The following PLXNB1 variants were observed in gnomAD, a reference collection of about 807,000 sequenced individuals.
The protein encoded by PLXNB1 is plexin-B1.
PLXNB1 carries 106 observed loss-of-function variants against 209.4 expected under a neutral mutation model. The ratio of observed to expected loss-of-function variants is 0.51; its 90% CI spans 0.43 to 0.59. The LOEUF (loss-of-function observed/expected upper bound fraction) is 0.59. PLXNB1 is among the 20% of genes least tolerant of loss of function. The pLI, the probability that PLXNB1 is intolerant of heterozygous loss-of-function variation, is 0.00. For missense variants in PLXNB1, 2,357 were observed against 2,853.2 expected (o/e 0.83, Z 3.96); for synonymous variants, 1,167 against 1,183.2 (o/e 0.99, Z 0.28).
intron 3 of PLXNB1, 48 bp downstream of exon 3, chr3:48,423,457 G>C: frequency 6.3e-7 from 1 of 1,581,468 alleles, no homozygotes; most frequent in Non-Finnish European, 8.6e-7. Flanking sequence ...CAAATGCTTG[G>C]CCAGTGGCCT....
rs2037352251 is a variant in PLXNB1, at chr3:48,406,974, C to CA, written c.6152+52dup. On this transcript the variant is annotated intron_variant, in intron 35 of 37. Coordinates refer to ENST00000296440, the MANE Select transcript of PLXNB1 (RefSeq NM_001130082.3). The surrounding 1 kb of genome is among the most constrained non-coding windows in gnomAD (Gnocchi z 4.4). ...CTGCTCCCAACCAGAGCCCACCCCC[C>CA]AAGCCTCAGCTGCACACGCCCTCCA... 6 of 1,609,284 alleles carry CA rather than the reference C, an allele frequency of 3.7e-6. No individual in the cohort carries two copies. In the Admixed American group the frequency reaches 8.3e-5, roughly 22 times the overall value.
chr3:48,419,115 C>A lies in PLXNB1; in HGVS notation c.2833-76G>T, dbSNP rs891493358. 1 of 1,586,062 alleles carries A rather than the reference C, an allele frequency of 6.3e-7. No individual in the cohort carries two copies. Among genetic ancestry groups the A allele is most frequent in the East Asian group, 2.3e-5 (1 of 44,430 alleles). On this transcript the variant is annotated intron_variant, in intron 12 of 37. Coordinates refer to ENST00000296440, the MANE Select transcript of PLXNB1 (RefSeq NM_001130082.3). This position sits in a 1 kb window ranked among gnomAD's most constrained non-coding sequence, Gnocchi z 5.7. ...GAGTCCTGCAGGTCACCCAACAGAT[C>A]CCCCAGCACAGCTTCTGGGTTGGAG...
In PLXNB1 at chr3:48,417,862, G is replaced by C; in HGVS notation, c.3374+49C>G. ...GAGGCCCCAAGCAGCAACGCCAACC[G>C]CGGAGGCCCCAGGCTGCGCCGTGCT... On this transcript the variant is annotated intron_variant, in intron 16 of 37. Transcript: ENST00000296440. The surrounding 1 kb of genome is among the most constrained non-coding windows in gnomAD (Gnocchi z 4.4). 1 of 1,562,940 alleles carries C rather than the reference G, an allele frequency of 6.4e-7. No homozygotes were observed. Among genetic ancestry groups the C allele is most frequent in the Non-Finnish European group, 8.7e-7 (1 of 1,149,162 alleles).
chr3:48,421,811 G>T lies in PLXNB1; in HGVS notation c.1521-5C>A. ...CACTCAGAACGGCGACTGCACCTGG[G>T]CGAGATGACCAGTGTCTATCTGTGA... On this transcript the variant is annotated splice_polypyrimidine_tract_variant and splice_region_variant and intron_variant, in intron 6 of 37. Coordinates refer to ENST00000296440, the MANE Select transcript of PLXNB1 (RefSeq NM_001130082.3). The T allele has an allele frequency of 6.3e-7, 1 of 1,595,092 alleles. No individual in the cohort carries two copies. The highest frequency in any genetic ancestry group is 8.6e-7 in the Non-Finnish European group (1 of 1,165,622).
rs771781739 is a variant in PLXNB1, at chr3:48,420,947, G to C, written c.1820C>G (p.Ser607Cys). The change falls in exon 9 of 38, where the codon TCC becomes TGC. Residue 607 changes from serine to cysteine, a missense_variant. Around this residue, in one of 7 missense-constraint regions of PLXNB1, gnomAD observed 214 missense variants for 297.1 expected, o/e 0.72. Transcript: ENST00000296440. ...GCCAAATCTGAGCTCCACGCTCACG[G>C]ATACGTAGTCTGCAGAGGGGGAGAG... ...PVLPRGADYV[S>C]VSVELRFGAV... 10 of 1,612,860 alleles carry C rather than the reference G, an allele frequency of 6.2e-6. No individual in the cohort carries two copies. Among genetic ancestry groups the C allele is most frequent in the Non-Finnish European group, 8.5e-6 (10 of 1,178,968 alleles).
Position 48,409,671 on chromosome 3 carries a change from C to A in PLXNB1, c.5839G>T (p.Val1947Leu). Residue 1947 changes from valine to leucine, a missense_variant, in exon 33 of 38, where the codon GTG becomes TTG. This residue lies in a region of PLXNB1 where 414 missense variants were observed against 520.5 expected (regional missense o/e 0.80). Coordinates refer to ENST00000296440, the MANE Select transcript of PLXNB1 (RefSeq NM_001130082.3). The surrounding 1 kb of genome is among the most constrained non-coding windows in gnomAD (Gnocchi z 5.8). The part of the protein sequence containing the change: ...FQVILSTSRP[V>L]PLAVKYFFDL... Reference sequence around the variant, plus strand: ...AAGAAGTACTTCACAGCGAGCGGCACGGGGCGGCTGGTGCTGAGAATCACC... The same window carrying A: ...AAGAAGTACTTCACAGCGAGCGGCAAGGGGCGGCTGGTGCTGAGAATCACC... 6.2e-7 allele frequency: 1 copy of A among 1,613,962 alleles called. No homozygotes were observed.
rs766827590 is a variant in PLXNB1 at position 48,420,647 on chromosome 3, GC to G, written c.2028+17del. Reference sequence around the variant, plus strand: ...CCCCCAACCCCCCCGGTATGGCCCAGCCCAAAGTCACACTCACCTGATGGCT... The same window carrying G: ...CCCCCAACCCCCCCGGTATGGCCCAGCCAAAGTCACACTCACCTGATGGCT... On this transcript the variant is annotated intron_variant, in intron 10 of 37. Transcript: ENST00000296440. 9 of 1,602,886 alleles carry G rather than the reference GC, an allele frequency of 5.6e-6. No individual in the cohort carries two copies. Among genetic ancestry groups the G allele is most frequent in the Non-Finnish European group, 7.7e-6 (9 of 1,170,528 alleles).
At position 48,405,166 on chromosome 3, in the gene PLXNB1, G is replaced by T. The variant is rs2037238092; in HGVS notation, c.6303+558C>A. On this transcript the variant is annotated intron_variant, in intron 37 of 37. Transcript: ENST00000296440. This position sits in a 1 kb window ranked among gnomAD's most constrained non-coding sequence, Gnocchi z 5.0. ...AGGAAGGCTGTGGGCCATGAGACAG[G>T]TTCCTCATCTCTGAGCAGCAATAGC... Among the ~76,000 whole-genome samples the T allele has an allele frequency of 1.3e-5, 2 of 152,214 alleles. No homozygotes were observed. The highest frequency in any genetic ancestry group is 1.5e-5 in the Non-Finnish European group (1 of 68,034).
At position 48,409,683 on chromosome 3, in the gene PLXNB1, T is replaced by C; in HGVS notation, c.5827A>G (p.Thr1943Ala). ...ACAGCGAGCGGCACGGGGCGGCTGGTGCTGAGAATCACCTGGAACAGGTCA... is the reference window on the plus strand; with the variant it reads ...ACAGCGAGCGGCACGGGGCGGCTGGCGCTGAGAATCACCTGGAACAGGTCA... ...VDDLFQVILS[T>A]SRPVPLAVKY... Residue 1943 changes from threonine to alanine, a missense_variant, in exon 33 of 38, where the codon ACC (threonine) becomes GCC (alanine). Transcript: ENST00000296440. This position sits in a 1 kb window ranked among gnomAD's most constrained non-coding sequence, Gnocchi z 5.8. 6.2e-7 allele frequency: 1 copy of C among 1,613,870 alleles called. No homozygotes were observed. Among genetic ancestry groups the C allele is most frequent in the East Asian group, 2.2e-5 (1 of 44,874 alleles).
At position 48,413,443 on chromosome 3, in the gene PLXNB1, T is replaced by C. The variant is rs975684455; in HGVS notation, c.4535+227A>G. The C allele has an allele frequency of 1.7e-6, 1 of 605,588 alleles. No individual in the cohort carries two copies. The highest frequency in any genetic ancestry group is 3.0e-5 in the Admixed American group (1 of 33,038). The allele number at this position is 605,588 out of a possible 1,614,324, so 37.5% of individuals were successfully genotyped here. ...CACAACCTATTTTTATAAAGATTTG[T>C]TAGAACACAGCCACTTTCATGTGTT... On this transcript the variant is annotated intron_variant, in intron 23 of 37. Transcript: ENST00000296440. This position sits in a 1 kb window ranked among gnomAD's most constrained non-coding sequence, Gnocchi z 5.4.
Position 48,413,961 on chromosome 3 carries a change from G to C in PLXNB1, c.4320C>G (p.Pro1440=), listed in dbSNP as rs374830271. ...GGTGCCGTGGCAGGGGCTGCTCCAC[G>C]GGGGGCTCGCAGTACAGGTGGTGCC... The part of the protein sequence containing the change: ...LTRHHLYCEP[P]VEQPLPRHHA... Residue 1440 remains proline, a synonymous_variant, in exon 22 of 38, where the codon CCC becomes CCG. Transcript: ENST00000296440. The surrounding 1 kb of genome is among the most constrained non-coding windows in gnomAD (Gnocchi z 5.4). 56 of 1,613,214 alleles carry C rather than the reference G, an allele frequency of 3.5e-5. No homozygotes were observed. Among genetic ancestry groups the C allele is most frequent in the Non-Finnish European group, 4.3e-5 (51 of 1,179,832 alleles).
At position 48,409,726 on chromosome 3, in the gene PLXNB1, G is replaced by A; in HGVS notation, c.5784C>T (p.Thr1928=). 2 of 1,613,288 alleles carry A rather than the reference G, an allele frequency of 1.2e-6. No homozygotes were observed. Among genetic ancestry groups the A allele is most frequent in the Non-Finnish European group, 1.7e-6 (2 of 1,179,812 alleles). ...ACAGGTCATCCACGAACTTCTGCAGGGTGCCCTGTGGGAAGGAAGAAGCAG... is the reference window on the plus strand; with the variant it reads ...ACAGGTCATCCACGAACTTCTGCAGAGTGCCCTGTGGGAAGGAAGAAGCAG... The part of the protein sequence containing the change: ...YLTRLLSMKG[T]LQKFVDDLFQ... Residue 1928 remains threonine, a synonymous_variant, in exon 33 of 38, where the codon ACC becomes ACT. Transcript: ENST00000296440. The surrounding 1 kb of genome is among the most constrained non-coding windows in gnomAD (Gnocchi z 5.8).
chr3:48,406,678 T>C lies in PLXNB1; in HGVS notation c.6228+145A>G. ...TGGTCTTTCAGTGGCAGTTGGAACA[T>C]TCTGCATTTATGTTTCCTGCCCCAA... On this transcript the variant is annotated intron_variant, in intron 36 of 37. Transcript: ENST00000296440. The surrounding 1 kb of genome is among the most constrained non-coding windows in gnomAD (Gnocchi z 4.4). 3 of 1,433,688 alleles carry C rather than the reference T, an allele frequency of 2.1e-6. No individual in the cohort carries two copies. The highest frequency in any genetic ancestry group is 1.8e-6 in the Non-Finnish European group (2 of 1,094,698). 88.8% of individuals were successfully genotyped at this position (1,433,688 alleles called of 1,614,324 possible).
In PLXNB1 at chr3:48,413,960, C is replaced by T. The variant is rs773519434; in HGVS notation, c.4321G>A (p.Val1441Met). ...TGGTGCCGTGGCAGGGGCTGCTCCA[C>T]GGGGGGCTCGCAGTACAGGTGGTGC... ...TRHHLYCEPPVEQPLPRHHAL... is the reference protein window; with the variant it reads ...TRHHLYCEPPMEQPLPRHHAL... Residue 1441 changes from valine to methionine, a missense_variant, in exon 22 of 38, where the codon GTG (valine) becomes ATG (methionine). Val to Met is a conservative substitution (Grantham distance 21, BLOSUM62 1). Around this residue, in one of 7 missense-constraint regions of PLXNB1, gnomAD observed 743 missense variants for 896.2 expected, o/e 0.83. Transcript: ENST00000296440. The surrounding 1 kb of genome is among the most constrained non-coding windows in gnomAD (Gnocchi z 5.4). The T allele has an allele frequency of 8.7e-6, 14 of 1,613,188 alleles. No homozygotes were observed. Among genetic ancestry groups the T allele is most frequent in the Admixed American group, 1.7e-5 (1 of 59,952 alleles).
At chr3:48,421,971 G>A (rs1001933824) in intron 6 of PLXNB1, 134 bp downstream of exon 6, 7 of 1,310,222 alleles carry the variant, frequency 5.3e-6, no homozygotes, top group Non-Finnish European at 7.5e-6. Context: ...GCAGAGGATG[G>A]GGGTGAGGAA....
At chr3:48,414,729 CA>C in intron 21 of PLXNB1, 69 bp downstream of exon 21, 1 of 1,559,526 alleles carries the variant, frequency 6.4e-7, no homozygotes, top group Non-Finnish European at 8.7e-7. Context: ...GCCTCTCCGC[CA>C]CACACAGCAG....
Position 48,404,336 on chromosome 3 carries a change from C to A in PLXNB1, c.*150G>T. On this transcript the variant is annotated 3_prime_UTR_variant, in exon 38 of 38. Coordinates refer to ENST00000296440, the MANE Select transcript of PLXNB1 (RefSeq NM_001130082.3). ...GTCTAGGAGGTGGATCCAGCAGGGC[C>A]GAGGCCAGAGCCACCAGGAGACTGG... The A allele has an allele frequency of 1.7e-6, 1 of 597,956 alleles. No individual in the cohort carries two copies. The highest frequency in any genetic ancestry group is 2.9e-6 in the Non-Finnish European group (1 of 339,024). 37.0% of individuals were successfully genotyped at this position (597,956 alleles called of 1,614,324 possible).
Position 48,417,923 on chromosome 3 carries a change from T to A in PLXNB1, c.3362A>T (p.Glu1121Val), listed in dbSNP as rs749623322. 5 of 1,610,834 alleles carry A rather than the reference T, an allele frequency of 3.1e-6. No homozygotes were observed. In the Admixed American group the frequency reaches 5.0e-5, roughly 16 times the overall value. ...VPCAVDAQEY[E>V]VSSSLVCITG... ...GCAGCCAGCTTACCTGCTGGAGACC[T>A]CGTACTCCTGGGCATCCACAGCACA... The change falls in exon 16 of 38, where the codon GAG becomes GTG. Residue 1121 changes from glutamate to valine, a missense_variant. By Grantham distance (121) the Glu-to-Val change is moderately radical. Coordinates refer to ENST00000296440, the MANE Select transcript of PLXNB1 (RefSeq NM_001130082.3). The surrounding 1 kb of genome is among the most constrained non-coding windows in gnomAD (Gnocchi z 4.4).
Position 48,405,950 on chromosome 3 carries a change from A to G in PLXNB1, c.6229-152T>C. The G allele has an allele frequency of 1.6e-6, 1 of 636,148 alleles. No homozygotes were observed. Among genetic ancestry groups the G allele is most frequent in the Non-Finnish European group, 2.8e-6 (1 of 353,564 alleles). The allele number at this position is 636,148 out of a possible 1,614,324, so 39.4% of individuals were successfully genotyped here. Reference sequence around the variant, plus strand: ...TACAGTGGGAAGCAGAGTCCCCTCCATGGCCCAGGGACCCCAGGCCAGGTG... The same window carrying G: ...TACAGTGGGAAGCAGAGTCCCCTCCGTGGCCCAGGGACCCCAGGCCAGGTG... On this transcript the variant is annotated intron_variant, in intron 36 of 37. Coordinates refer to ENST00000296440, the MANE Select transcript of PLXNB1 (RefSeq NM_001130082.3). This position sits in a 1 kb window ranked among gnomAD's most constrained non-coding sequence, Gnocchi z 5.0.
Sources: gnomAD v4.1 joint callset for allele counts (sites outside exome capture counted in the v4.1 genomes callset) on GRCh38, gnomAD v4.1.1 for gene constraint, gnomAD v4.1.1 regional missense constraint, Gnocchi (gnomAD v3.1) non-coding constraint, MANE v1.5 for transcripts, NCBI Gene and HGNC (gene_info 2026-07-23, HGNC 2026-07-21) for gene names.